NAV1: variants seen among roughly 807,000 people sequenced by gnomAD.
NAV1 encodes the protein neuron navigator 1, also known as pore membrane and/or filament interacting like protein 3.
A neutral mutation model predicts 175.2 loss-of-function variants in NAV1; 18 were observed. The ratio of observed to expected loss-of-function variants is 0.10; its 90% CI spans 0.07 to 0.15. The LOEUF is 0.15. Ranked by LOEUF, NAV1 falls within the 10% of genes least tolerant of loss-of-function variation. The pLI is 1.00. For missense variants in NAV1, 1,731 were observed against 2,436.6 expected (o/e 0.71, Z 6.10); for synonymous variants, 897 against 978.7 (o/e 0.92, Z 1.56).
intron 1 of NAV1, among the ~76,000 whole-genome samples, chr1:201,581,546 C>T (rs899298830): frequency 5.3e-5 from 8 of 151,980 alleles, no homozygotes; most frequent in East Asian, 1.9e-4. Flanking sequence ...AACAGAGCTC[C>T]GGCCGGGCGC....
intron 3 of NAV1, among the ~76,000 whole-genome samples, chr1:201,748,381 C>T (rs1000893132): frequency 2.8e-4 from 43 of 152,104 alleles, no homozygotes; most frequent in African/African-American, 1.0e-3. Context: ...AGCTGTGCTC[C>T]TCCAGCATTA....
At chr1:201,571,176 A>G (rs557044380) in intron 1 of NAV1, among the ~76,000 whole-genome samples, 12 of 152,318 alleles carry the variant, frequency 7.9e-5, no homozygotes, top group African/African-American at 2.9e-4. Context: ...CAGTGGGACT[A>G]AGCACAATTG....
intron 9 of NAV1, 50 bp downstream of exon 13, chr1:201,786,627 C>T (rs1676768774): frequency 6.4e-6 from 10 of 1,568,638 alleles, no homozygotes; most frequent in Non-Finnish European, 7.8e-6. Context: ...CAGGGGTCAC[C>T]CTGCAGGGTG....
intron 7 of NAV1, 59 bp from the exon 12 acceptor site, chr1:201,785,251 A>G (rs1571491406): frequency 5.1e-6 from 8 of 1,578,312 alleles, no homozygotes; most frequent in Non-Finnish European, 6.9e-6. Flanking sequence ...TCTAGTTCCT[A>G]AGATGGACCC....
Position 201,808,846 on chromosome 1 carries a change from C to T in NAV1, c.4182C>T (p.Ser1394=). ...CCCTAGGCCTGGCACTCACCCATTC[C>T]TTCGGCCCCAGTCTTGCAGACACAG... is the stretch of plus-strand genomic sequence containing the variant. Residue 1394 remains serine (S), a synonymous_variant, in exon 20 of 30, where the codon TCC becomes TCT. Transcript: ENST00000367296. This position sits in a 1 kb window ranked among gnomAD's most constrained non-coding sequence, Gnocchi z 5.5. 1 of 1,612,970 alleles carries T rather than the reference C, an allele frequency of 6.2e-7. No homozygotes were observed. Among genetic ancestry groups the T allele is most frequent in the Non-Finnish European group, 8.5e-7 (1 of 1,179,360 alleles).
At chr1:201,672,596 C>T (rs895472699) in intron 1 of NAV1, among the ~76,000 whole-genome samples, 1 of 152,160 alleles carries the variant, frequency 6.6e-6, no homozygotes, top group Non-Finnish European at 1.5e-5. Flanking sequence ...GAACCTGAGG[C>T]AAAGAAAGGT....
At chr1:201,800,602 A>T (rs1677791802) in intron 15 of NAV1, among the ~76,000 whole-genome samples, 1 of 152,186 alleles carries the variant, frequency 6.6e-6, no homozygotes, top group South Asian at 2.1e-4. Context: ...ATGTTTTCCT[A>T]CCACTGAGAT....
chr1:201,789,223 T>C (rs1019801644), intron 10 of NAV1, among the ~76,000 whole-genome samples: 5 of 152,172 alleles, frequency 3.3e-5, no homozygotes, highest in Non-Finnish European at 5.9e-5. Flanking sequence ...GCTACAGACA[T>C]GCTTTAGTTC....
chr1:201,593,857 G>A (rs1292182669), intron 2 of NAV1, among the ~76,000 whole-genome samples: 3 of 152,142 alleles, frequency 2.0e-5, no homozygotes, highest in East Asian at 1.9e-4. Context: ...GCAGCTGCAG[G>A]GAGGATGGAT....
intron 1 of NAV1, among the ~76,000 whole-genome samples, chr1:201,666,396 T>C (rs960026765): frequency 3.3e-5 from 5 of 152,036 alleles, no homozygotes; most frequent in Admixed American, 1.3e-4. Flanking sequence ...AGCTCTGTTA[T>C]GTAGGAAACA....
chr1:201,544,053 C>T (rs777866739), intron 1 of NAV1, among the ~76,000 whole-genome samples: 2 of 152,244 alleles, frequency 1.3e-5, no homozygotes, highest in African/African-American at 2.4e-5. Flanking sequence ...GAGGGCACCA[C>T]GCCCAGCCTC....
At chr1:201,583,685 A>G (rs1242215261) in intron 1 of NAV1, among the ~76,000 whole-genome samples, 2 of 152,226 alleles carry the variant, frequency 1.3e-5, no homozygotes, top group Admixed American at 1.3e-4. Flanking sequence ...CAAGGAAGCC[A>G]TGGAAATAAA....
chr1:201,706,650 C>G (rs1037679288), intron 1 of NAV1, among the ~76,000 whole-genome samples: 4 of 152,202 alleles, frequency 2.6e-5, no homozygotes, highest in Non-Finnish European at 5.9e-5. Context: ...TGGCTCACTT[C>G]CGTTCCTTCT....
chr1:201,762,996 T>A (rs1202146828), intron 3 of NAV1, among the ~76,000 whole-genome samples: 3 of 151,816 alleles, frequency 2.0e-5, no homozygotes, highest in Non-Finnish European at 4.4e-5. Context: ...AAAAAAAAAA[T>A]GTTGGTTCTG....
At chr1:201,670,120 G>A (rs574766089) in intron 1 of NAV1, among the ~76,000 whole-genome samples, 23 of 151,706 alleles carry the variant, frequency 1.5e-4, no homozygotes, top group African/African-American at 4.4e-4. Context: ...GGCCGGGTGC[G>A]GTGGCTCATG....
intron 3 of NAV1, among the ~76,000 whole-genome samples, chr1:201,755,824 G>A (rs185962449): frequency 1.7e-3 from 261 of 152,186 alleles, no homozygotes; most frequent in Admixed American, 3.5e-3. Flanking sequence ...AAAAAGTTGT[G>A]GGCTGGGCAC....
exon 1 of NAV1, chr1:201,622,943 C>T (rs1214965866): frequency 6.1e-6 from 6 of 986,352 alleles, no homozygotes; most frequent in Non-Finnish European, 7.2e-6. Flanking sequence ...TCCGCCATCC[C>T]GGTGCCTCGT....
At chr1:201,754,775 A>G (rs1674349971) in intron 3 of NAV1, among the ~76,000 whole-genome samples, 1 of 152,182 alleles carries the variant, frequency 6.6e-6, no homozygotes, top group Admixed American at 6.5e-5. Context: ...TGTTATTTGT[A>G]CCACAGGATT....
At position 201,803,734 on chromosome 1, in the gene NAV1, G is replaced by GC. The variant is rs1430039012; in HGVS notation, c.3639+20_3639+21insC. The stretch of plus-strand genomic sequence containing the variant: ...AGTTGGGTAGGTAAAGGTTTGGGGG[G>GC]TGGGAAGTAGGTAGAACCGTGGTGG... On this transcript the variant is annotated intron_variant, in intron 16 of 29. Coordinates refer to ENST00000367296, the Ensembl canonical transcript of NAV1. 9 of 1,443,674 alleles carry GC rather than the reference G, an allele frequency of 6.2e-6. No individual in the cohort carries two copies. The African/African-American group carries it at 1.9e-4, about 30-fold the overall frequency. 89.4% of individuals were successfully genotyped at this position (1,443,674 alleles called of 1,614,324 possible).
Sources: gnomAD v4.1 joint callset for allele counts (sites outside exome capture counted in the v4.1 genomes callset) on GRCh38, gnomAD v4.1.1 for gene constraint, Gnocchi (gnomAD v3.1) non-coding constraint, MANE v1.5 for transcripts, NCBI Gene and HGNC (gene_info 2026-07-23, HGNC 2026-07-21) for gene names.